TYMS: variants seen among roughly 807,000 people sequenced by gnomAD.
The protein encoded by TYMS is thymidylate synthase.
TYMS carries 21 observed loss-of-function variants against 39.3 expected under a neutral mutation model. That is an observed-to-expected ratio of 0.54 (90% CI 0.38 to 0.77). TYMS has a LOEUF of 0.77. Ranked by LOEUF, TYMS falls within the 30% of genes least tolerant of loss-of-function variation. The pLI is 0.00. For synonymous variants in TYMS, 171 were observed against 162.2 expected, an observed-to-expected ratio of 1.05 and a Z score of -0.41; for missense variants, 273 against 406.7, an observed-to-expected ratio of 0.67 and a Z score of 2.83.
chr18:666,507 C>G (rs2853543), intron 3 of TYMS, among the ~76,000 whole-genome samples: 76,554 of 151,846 alleles, frequency 0.5, 20,062 homozygotes, highest in African/African-American at 0.67. Flanking sequence ...TCCCACCTGT[C>G]CCTAGGAAAA....
intron 3 of TYMS, among the ~76,000 whole-genome samples, chr18:666,641 G>C (rs979771033): frequency 6.6e-6 from 1 of 152,180 alleles, no homozygotes; most frequent in Non-Finnish European, 1.5e-5. Flanking sequence ...GCCACCTGGA[G>C]GAATTTGGGC....
At chr18:671,247 A>C (rs1229487831) in intron 5 of TYMS, 133 bp from the exon 6 acceptor site, 1 of 709,660 alleles carries the variant, frequency 1.4e-6, no homozygotes, top group African/African-American at 1.8e-5. Flanking sequence ...GTTGCTACAA[A>C]AAAATGGAAA....
At chr18:669,904 G>A (rs1294679485) in intron 4 of TYMS, among the ~76,000 whole-genome samples, 1 of 151,956 alleles carries the variant, frequency 6.6e-6, no homozygotes, top group Non-Finnish European at 1.5e-5. Context: ...TGAGGCTGTA[G>A]TGAGTCATGA....
intron 3 of TYMS, among the ~76,000 whole-genome samples, 176 bp from the exon 4 acceptor site, chr18:668,896 G>A (rs1261281218): frequency 2.4e-5 from 3 of 124,868 alleles, no homozygotes; most frequent in Admixed American, 2.3e-4. Flanking sequence ...AGTCAGACAG[G>A]GCCTTGAACT....
chr18:659,838 G>A (rs2074738418), intron 2 of TYMS, 124 bp downstream of exon 2: 6 of 827,454 alleles, frequency 7.3e-6, no homozygotes, highest in African/African-American at 1.7e-5. Context: ...CACTTTGGGA[G>A]GCTGAGTCAG....
intron 3 of TYMS, among the ~76,000 whole-genome samples, chr18:668,170 A>T (rs2144327625): frequency 6.6e-6 from 1 of 152,132 alleles, no homozygotes; most frequent in African/African-American, 2.4e-5. Flanking sequence ...CAATTTTAGC[A>T]CGTGTAGACT....
At chr18:668,943 C>A in intron 3 of TYMS, 129 bp from the exon 4 acceptor site, 1 of 648,774 alleles carries the variant, frequency 1.5e-6, no homozygotes. Context: ...CAGGATGCAC[C>A]AGATGTCTTG....
chr18:667,155 TGATGGA>T lies in TYMS; in HGVS notation c.455-1911_455-1906del, dbSNP rs1245389236. On this transcript the variant is annotated intron_variant, in intron 3 of 6. Transcript: ENST00000323274. ...GAGATGGTGATGGTGATGGTGATGG[TGATGGA>T]GATGGTGATGGTGATGGTGATGGTG... Among the ~76,000 whole-genome samples the T allele has an allele frequency of 5.2e-4, 33 of 63,398 alleles. 4 individuals carry two copies. The highest frequency in any genetic ancestry group is 1.0e-3 in the South Asian group (2 of 1,914). The allele number at this position is 63,398 out of a possible 152,430, so 41.6% of individuals were successfully genotyped here. A position where few individuals can be genotyped will look rare whatever the true frequency, so the allele number is the denominator to read the frequency against.
At chr18:666,286 G>A (rs554369478) in intron 3 of TYMS, among the ~76,000 whole-genome samples, 2 of 151,766 alleles carry the variant, frequency 1.3e-5, no homozygotes, top group East Asian at 3.9e-4. Context: ...GGGACAAAAT[G>A]CCCCCATTGC....
At position 658,188 on chromosome 18, in the gene TYMS, G is replaced by C. The variant is rs1406765118; in HGVS notation, c.205+241G>C. Reference sequence around the variant, plus strand: ...CCGGGAGGTAAGCCGCGTCCCAGCGGCTCCGCGGCCGGGCTCGCAGTCGCC... The same window carrying C: ...CCGGGAGGTAAGCCGCGTCCCAGCGCCTCCGCGGCCGGGCTCGCAGTCGCC... On this transcript the variant is annotated intron_variant, in intron 1 of 6. Coordinates refer to ENST00000323274, the MANE Select transcript of TYMS (RefSeq NM_001071.4). This position sits in a 1 kb window ranked among gnomAD's most constrained non-coding sequence, Gnocchi z 4.5. 2.6e-6 allele frequency: 4 copies of C among 1,549,826 alleles called. No individual in the cohort carries two copies. Among genetic ancestry groups the C allele is most frequent in the Admixed American group, 1.9e-5 (1 of 53,716 alleles).
chr18:662,041 A>C, intron 2 of TYMS, 105 bp from the exon 3 acceptor site: 1 of 1,274,634 alleles, frequency 7.8e-7, no homozygotes, highest in African/African-American at 1.5e-5. Context: ...CCTCCTAGCA[A>C]GTCAGCAGGG....
intron 3 of TYMS, among the ~76,000 whole-genome samples, chr18:667,179 T>TGATGG (rs1426821682): frequency 1.5e-5 from 1 of 64,762 alleles, no homozygotes; most frequent in South Asian, 5.7e-4. Context: ...ATGGTGATGG[T>TGATGG]GATGGTGATG....
rs2074877664 is a variant in TYMS, at chr18:667,539, GGT to G, written c.455-1531_455-1530del. ...TGGTGATGGTGATGGAGATGGTGAT[GGT>G]GATGGTGATGGAGATGGTGATGGTG... On this transcript the variant is annotated intron_variant, in intron 3 of 6. Coordinates refer to ENST00000323274, the MANE Select transcript of TYMS (RefSeq NM_001071.4). Among the ~76,000 whole-genome samples the G allele has an allele frequency of 2.2e-5, 2 of 89,796 alleles. 1 individual carries two copies. The highest frequency in any genetic ancestry group is 4.1e-5 in the Non-Finnish European group (2 of 48,906). 58.9% of individuals were successfully genotyped at this position (89,796 alleles called of 152,430 possible).
rs113888606 is a variant in TYMS at position 671,256 on chromosome 18, A to G, written c.733-124A>G. 3.3e-4 allele frequency: 247 copies of G among 742,076 alleles called. 1 individual carries two copies. In the African/African-American group the frequency reaches 3.7e-3, roughly 11 times the overall value. 46.0% of individuals were successfully genotyped at this position (742,076 alleles called of 1,614,324 possible). On this transcript the variant is annotated intron_variant, in intron 5 of 6. Transcript: ENST00000323274. The stretch of plus-strand genomic sequence containing the variant: ...GATGCTGTTGCTACAAAAAAATGGA[A>G]AAGCTACACTAAATTATTTTTTTAA...
Position 658,069 on chromosome 18 carries a change from A to G in TYMS, c.205+122A>G. 4.4e-6 allele frequency: 7 copies of G among 1,574,294 alleles called. No individual in the cohort carries two copies. In the African/African-American group the frequency reaches 5.4e-5, roughly 12 times the overall value. ...AGTCCTAACCTCAATCCTGCGAGGG[A>G]GGGGACGCATCGTCCTCCTCGCCTT... On this transcript the variant is annotated intron_variant, in intron 1 of 6. Coordinates refer to ENST00000323274, the MANE Select transcript of TYMS (RefSeq NM_001071.4). This position sits in a 1 kb window ranked among gnomAD's most constrained non-coding sequence, Gnocchi z 4.5.
At chr18:667,872 C>T (rs2074888280) in intron 3 of TYMS, 1 of 151,764 alleles carries the variant, frequency 6.6e-6, no homozygotes, top group South Asian at 2.1e-4. Flanking sequence ...TTTCTTGTCG[C>T]TTAAAAGGCC....
chr18:670,048 T>TA (rs2074964444), intron 4 of TYMS, among the ~76,000 whole-genome samples: 1 of 58,224 alleles, frequency 1.7e-5, no homozygotes, highest in African/African-American at 1.2e-4. Context: ...GAGACTTATT[T>TA]TTTTTTTTTT....
intron 6 of TYMS, 125 bp downstream of exon 6, chr18:671,576 GTT>G: frequency 1.4e-6 from 1 of 734,736 alleles, no homozygotes; most frequent in South Asian, 1.5e-5. Flanking sequence ...TGGGGCTTCA[GTT>G]TAGGGAGAAG....
chr18:666,593 G>T (rs2074820111), intron 3 of TYMS, among the ~76,000 whole-genome samples: 2 of 152,192 alleles, frequency 1.3e-5, no homozygotes, highest in Non-Finnish European at 2.9e-5. Flanking sequence ...CTGGAGAGCA[G>T]GTGTCTCATC....
Sources: gnomAD v4.1 joint callset for allele counts (sites outside exome capture counted in the v4.1 genomes callset) on GRCh38, gnomAD v4.1.1 for gene constraint, Gnocchi (gnomAD v3.1) non-coding constraint, MANE v1.5 for transcripts, NCBI Gene and HGNC (gene_info 2026-07-23, HGNC 2026-07-21) for gene names.